Variants in MZT1 observed in about 807,000 individuals in gnomAD.
MZT1 encodes the protein mitotic spindle organizing protein 1, also known as mitotic-spindle organizing protein 1.
In MZT1, 8 loss-of-function variants were observed where a neutral mutation model predicts 8.5. That is an observed-to-expected ratio of 0.94 (90% CI 0.55 to 1.70). The LOEUF (loss-of-function observed/expected upper bound fraction) is 1.70, where lower values mean the gene tolerates loss of function less well. Among genes scored for constraint, MZT1 ranks in the 40% most tolerant of loss-of-function variants. The probability of loss-of-function intolerance (pLI) is 0.00; values close to 1 mark genes in which losing one functional copy is unlikely to be tolerated. For missense variants in MZT1, 93 were observed against 108.6 expected, an observed-to-expected ratio of 0.86 and a Z score of 0.64; for synonymous variants, 38 against 42.0, an observed-to-expected ratio of 0.90 and a Z score of 0.37.
In MZT1 at chr13:72,727,554, TCGCCGCCGCGGC is replaced by T. The variant is rs752130949; in HGVS notation, c.37_48del (p.Ala13_Ala16del). The T allele has an allele frequency of 1.9e-6, 3 of 1,609,740 alleles. No homozygotes were observed. The highest frequency in any genetic ancestry group is 2.2e-5 in the South Asian group (2 of 90,840). Reference sequence around the variant, plus strand: ...ATGGTCTCCCGCACCGCATTCAGATTCGCCGCCGCGGCCGCCGCCGCCGCCCCAGCACCGCTG... The same window carrying T: ...ATGGTCTCCCGCACCGCATTCAGATTCGCCGCCGCCGCCCCAGCACCGCTG... On this transcript the variant is annotated inframe_deletion, in exon 1 of 3. Transcript: ENST00000377818.
At chr13:72,720,894 A>G (rs879592662) in intron 1 of MZT1, among the ~76,000 whole-genome samples, 7 of 151,060 alleles carry the variant, frequency 4.6e-5, no homozygotes, top group Non-Finnish European at 8.8e-5. Flanking sequence ...GTCTCAAAAG[A>G]AAAAACAAAC....
chr13:72,726,367 G>A lies in MZT1; in HGVS notation c.79+1157C>T, dbSNP rs192620383. ...AATCGCCTGAACCCGGGAGGCGGAG[G>A]TTGCAGTGAGCCGAGGTTGCGCCAT... On this transcript the variant is annotated intron_variant, in intron 1 of 2. Coordinates refer to ENST00000377818, the MANE Select transcript of MZT1 (RefSeq NM_001071775.3). Among the ~76,000 whole-genome samples the A allele has an allele frequency of 3.7e-3, 567 of 152,232 alleles. 8 individuals carry two copies. Among genetic ancestry groups the A allele is most frequent in the African/African-American group, 0.013 (540 of 41,528 alleles).
chr13:72,723,832 G>T (rs2032612772), intron 1 of MZT1, among the ~76,000 whole-genome samples: 1 of 108,632 alleles, frequency 9.2e-6, no homozygotes, highest in Non-Finnish European at 2.0e-5. Context: ...AGTAATAACT[G>T]ATTCCAGATA....
chr13:72,708,412 A>G lies in MZT1; in HGVS notation c.*1910T>C, dbSNP rs1450548901. The G allele has an allele frequency of 6.6e-6, 1 of 152,626 alleles. No homozygotes were observed. Among genetic ancestry groups the G allele is most frequent in the Non-Finnish European group, 1.5e-5 (1 of 68,040 alleles). 9.5% of individuals were successfully genotyped at this position (152,626 alleles called of 1,614,324 possible). A position where few individuals can be genotyped will look rare whatever the true frequency, so the allele number is the denominator to read the frequency against. Reference sequence around the variant, plus strand: ...TTTTGTCATTGACAACAAGCACAACACTGCAATTGTATCATTATTTTGTTT... The same window carrying G: ...TTTTGTCATTGACAACAAGCACAACGCTGCAATTGTATCATTATTTTGTTT... On this transcript the variant is annotated 3_prime_UTR_variant, in exon 3 of 3. Transcript: ENST00000377818.
chr13:72,715,774 C>T (rs545251375), intron 2 of MZT1, among the ~76,000 whole-genome samples: 4 of 152,246 alleles, frequency 2.6e-5, no homozygotes, highest in African/African-American at 9.6e-5. Flanking sequence ...TGTGACATGC[C>T]TTCTCCCCCT....
chr13:72,718,644 A>AT (rs577685709), intron 2 of MZT1, among the ~76,000 whole-genome samples: 7 of 151,888 alleles, frequency 4.6e-5, no homozygotes, highest in African/African-American at 1.4e-4. Context: ...CGCCTGGCTA[A>AT]TTTTTTTGTA....
At chr13:72,725,051 C>CAAAAAA (rs767509747) in intron 1 of MZT1, among the ~76,000 whole-genome samples, 6 of 93,920 alleles carry the variant, frequency 6.4e-5, no homozygotes, top group African/African-American at 2.2e-4. Context: ...GACTCGGTCT[C>CAAAAAA]AAAAAAAAAA....
At chr13:72,718,809 A>T in intron 2 of MZT1, 143 bp downstream of exon 2, 1 of 750,972 alleles carries the variant, frequency 1.3e-6, no homozygotes. Flanking sequence ...ATATGAACAT[A>T]CACTATTGAG....
At chr13:72,715,248 G>T (rs2032523657) in intron 2 of MZT1, among the ~76,000 whole-genome samples, 1 of 152,170 alleles carries the variant, frequency 6.6e-6, no homozygotes, top group Non-Finnish European at 1.5e-5. Flanking sequence ...CTTGTATGGG[G>T]CCTGTAGCCT....
At chr13:72,716,252 C>T (rs968244424) in intron 2 of MZT1, among the ~76,000 whole-genome samples, 1 of 151,918 alleles carries the variant, frequency 6.6e-6, no homozygotes, top group African/African-American at 2.4e-5. Context: ...TGGACTAATA[C>T]AGAGTCTACC....
intron 2 of MZT1, among the ~76,000 whole-genome samples, chr13:72,715,379 CTTGCCT>C (rs1566212559): frequency 1.3e-5 from 2 of 152,124 alleles, no homozygotes; most frequent in Non-Finnish European, 2.9e-5. Context: ...GTGGAAGGGA[CTTGCCT>C]TGTCTCAGAA....
rs181034097 is a variant in MZT1 at position 72,727,567 on chromosome 13, C to G, written c.36G>C (p.Ala12=). 4.0e-6 allele frequency: 6 copies of G among 1,484,692 alleles called. No individual in the cohort carries two copies. In the African/African-American group the frequency reaches 8.2e-5, roughly 20 times the overall value. 92.0% of individuals were successfully genotyped at this position (1,484,692 alleles called of 1,614,324 possible). A position where few individuals can be genotyped will look rare whatever the true frequency, so the allele number is the denominator to read the frequency against. ...CCGCATTCAGATTCGCCGCCGCGGC[C>G]GCCGCCGCCGCCCCAGCACCGCTGC... is the stretch of plus-strand genomic sequence containing the variant. ...ASSSGAGAAA[A]AAAANLNAVR... is the part of the protein sequence containing the mutation. The change falls in exon 1 of 3, where the codon GCG becomes GCC. Residue 12 remains alanine, a synonymous_variant. Transcript: ENST00000377818.
rs149863057 is a variant in MZT1, at chr13:72,725,620, C to G, written c.79+1904G>C. ...CCCCTCTCCTTCATTTTTTGTTTTA[C>G]TTCACTTTTTTGTGTTCTTACTCTC... On this transcript the variant is annotated intron_variant, in intron 1 of 2. Coordinates refer to ENST00000377818, the MANE Select transcript of MZT1 (RefSeq NM_001071775.3). Among the ~76,000 whole-genome samples, 209 of 152,154 alleles carry G rather than the reference C, an allele frequency of 1.4e-3. 2 individuals are homozygous for G. Among genetic ancestry groups the G allele is most frequent in the African/African-American group, 4.8e-3 (200 of 41,562 alleles).
In MZT1 at chr13:72,709,192, G is replaced by T. The variant is rs2032462855; in HGVS notation, c.*1130C>A. The T allele has an allele frequency of 1.3e-5, 2 of 151,714 alleles. No homozygotes were observed. Among genetic ancestry groups the T allele is most frequent in the African/African-American group, 4.8e-5 (2 of 41,382 alleles). 9.4% of individuals were successfully genotyped at this position (151,714 alleles called of 1,614,324 possible). On this transcript the variant is annotated 3_prime_UTR_variant, in exon 3 of 3. Transcript: ENST00000377818. ...TCCTTGACATCAAGATGTTAAAAAGGTTTTTTAAAAAAAGCCATACTTGAG... is the reference window on the plus strand; with the variant it reads ...TCCTTGACATCAAGATGTTAAAAAGTTTTTTTAAAAAAAGCCATACTTGAG...
chr13:72,710,267 A>C lies in MZT1; in HGVS notation c.*55T>G. 2 of 1,590,028 alleles carry C rather than the reference A, an allele frequency of 1.3e-6. No individual in the cohort carries two copies. The highest frequency in any genetic ancestry group is 2.2e-5 in the South Asian group (2 of 89,758). ...ATTGTACATTCTCAACTACAATGCAATCTTCAAACCCTCTTGCAGAGCTTG... is the reference window on the plus strand; with the variant it reads ...ATTGTACATTCTCAACTACAATGCACTCTTCAAACCCTCTTGCAGAGCTTG... On this transcript the variant is annotated 3_prime_UTR_variant, in exon 3 of 3. Coordinates refer to ENST00000377818, the MANE Select transcript of MZT1 (RefSeq NM_001071775.3).
At chr13:72,722,746 C>T (rs1402427625) in intron 1 of MZT1, among the ~76,000 whole-genome samples, 1 of 152,218 alleles carries the variant, frequency 6.6e-6, no homozygotes, top group Non-Finnish European at 1.5e-5. Context: ...CGACAATCCC[C>T]TGCTGTGGTT....
chr13:72,718,536 C>T (rs11620035), intron 2 of MZT1, among the ~76,000 whole-genome samples: 24,929 of 151,436 alleles, frequency 0.16, 2,381 homozygotes, highest in East Asian at 0.43. Flanking sequence ...AGTGCAGTGT[C>T]GCCAACTTGG....
chr13:72,724,310 T>A (rs2032618431), intron 1 of MZT1, among the ~76,000 whole-genome samples: 1 of 151,996 alleles, frequency 6.6e-6, no homozygotes, highest in Non-Finnish European at 1.5e-5. Context: ...GTGGGTAGGA[T>A]GAACAGGAGA....
chr13:72,727,443 G>GTCC, intron 1 of MZT1, 81 bp downstream of exon 1: 2 of 1,401,980 alleles, frequency 1.4e-6, no homozygotes, highest in Non-Finnish European at 2.0e-6. Flanking sequence ...GGGACCTGAA[G>GTCC]TCCTCCCCAG....
Sources: allele counts gnomAD v4.1 joint callset (sites outside exome capture counted in the v4.1 genomes callset), GRCh38; gene constraint gnomAD v4.1.1; transcripts MANE v1.5; gene names NCBI Gene and HGNC (gene_info 2026-07-23, HGNC 2026-07-21).